MCU: variants seen among roughly 807,000 people sequenced by gnomAD.
MCU encodes the protein mitochondrial calcium uniporter.
A neutral mutation model predicts 45.2 loss-of-function variants in MCU; 12 were observed. The observed-to-expected ratio is 0.27, with a 90% CI of 0.17 to 0.43. The LOEUF is 0.43. Among genes scored for constraint, MCU ranks in the 20% least tolerant of loss-of-function variants. MCU has a pLI of 1.00. For missense variants in MCU, 324 were observed against 436.7 expected (o/e 0.74, Z 2.30); for synonymous variants, 160 against 165.1 (o/e 0.97, Z 0.24).
At chr10:72,701,826 C>T (rs1842762081) in intron 1 of MCU, among the ~76,000 whole-genome samples, 2 of 152,032 alleles carry the variant, frequency 1.3e-5, no homozygotes, top group African/African-American at 2.4e-5. Flanking sequence ...CCACCGTGCC[C>T]GGCCCCCACT....
chr10:72,704,744 T>C (rs955615599), intron 1 of MCU, among the ~76,000 whole-genome samples: 9 of 132,366 alleles, frequency 6.8e-5, no homozygotes, highest in Non-Finnish European at 1.2e-4. Flanking sequence ...AGACGGAGTC[T>C]CGCTCTGTAG....
At chr10:72,736,033 T>C (rs1332951874) in intron 1 of MCU, among the ~76,000 whole-genome samples, 1 of 152,232 alleles carries the variant, frequency 6.6e-6, no homozygotes, top group African/African-American at 2.4e-5. Context: ...TCTTGGCTAG[T>C]GACATTGATG....
chr10:72,884,057 T>C (rs1845743615), intron 6 of MCU, among the ~76,000 whole-genome samples: 1 of 152,154 alleles, frequency 6.6e-6, no homozygotes, highest in African/African-American at 2.4e-5. Flanking sequence ...AGTAGCATGT[T>C]CATTGTGTGA....
chr10:72,794,412 A>T (rs547328947), intron 1 of MCU, among the ~76,000 whole-genome samples: 1 of 152,166 alleles, frequency 6.6e-6, no homozygotes, highest in South Asian at 2.1e-4. Context: ...CTTTCTGCCT[A>T]TGGGGTTGTT....
At chr10:72,757,634 T>A (rs1843597800) in intron 1 of MCU, among the ~76,000 whole-genome samples, 1 of 152,218 alleles carries the variant, frequency 6.6e-6, no homozygotes. Flanking sequence ...AATTTATGCC[T>A]AGCTAGCTGA....
Position 72,851,327 on chromosome 10 carries a change from TG to T in MCU, c.221-7849del, listed in dbSNP as rs565781871. ...TGTGAAACTGATGTTTTAGTGCATT[TG>T]TAACTGCCCAACAGCTTCTCTGTGC... On this transcript the variant is annotated intron_variant, in intron 2 of 7. Transcript: ENST00000373053. Among the ~76,000 whole-genome samples the T allele has an allele frequency of 2.4e-3, 361 of 152,324 alleles. 1 individual carries two copies. The highest frequency in any genetic ancestry group is 8.2e-3 in the African/African-American group (339 of 41,582).
At chr10:72,822,469 T>A (rs989932342) in intron 1 of MCU, among the ~76,000 whole-genome samples, 1 of 152,154 alleles carries the variant, frequency 6.6e-6, no homozygotes, top group African/African-American at 2.4e-5. Flanking sequence ...TAGAGTAACA[T>A]GACTTACCAA....
chr10:72,770,171 AT>A (rs1428177159), intron 1 of MCU, among the ~76,000 whole-genome samples: 2 of 151,964 alleles, frequency 1.3e-5, no homozygotes, highest in Non-Finnish European at 2.9e-5. Context: ...ATACTTTATT[AT>A]TTCAATCCTT....
At chr10:72,718,456 C>A (rs942165670) in intron 1 of MCU, among the ~76,000 whole-genome samples, 1 of 152,162 alleles carries the variant, frequency 6.6e-6, no homozygotes, top group South Asian at 2.1e-4. Flanking sequence ...GATCAACTAT[C>A]CTACGTCAAT....
chr10:72,722,159 C>A (rs1589432112), intron 1 of MCU, among the ~76,000 whole-genome samples: 1 of 151,776 alleles, frequency 6.6e-6, no homozygotes, highest in South Asian at 2.1e-4. Flanking sequence ...GTATAACATA[C>A]TGTTTATTAT....
chr10:72,696,958 C>T (rs1052854278), intron 1 of MCU, among the ~76,000 whole-genome samples: 41 of 152,030 alleles, frequency 2.7e-4, no homozygotes, highest in African/African-American at 9.7e-4. Context: ...ATTAGCTCAG[C>T]AGTGGTCATT....
rs191754853 is a variant in MCU at position 72,750,764 on chromosome 10, G to C, written c.150+58463G>C. On this transcript the variant is annotated intron_variant, in intron 1 of 7. Coordinates refer to ENST00000373053, the MANE Select transcript of MCU (RefSeq NM_138357.3). Reference sequence around the variant, plus strand: ...TTCATTGCCCCTAAATTTCTCTTGTGCTGCCCATTTGAATTCAGTTCTTCC... The same window carrying C: ...TTCATTGCCCCTAAATTTCTCTTGTCCTGCCCATTTGAATTCAGTTCTTCC... Among the ~76,000 whole-genome samples, 4 of 152,206 alleles carry C rather than the reference G, an allele frequency of 2.6e-5. No individual in the cohort carries two copies. In the East Asian group the frequency reaches 7.7e-4, roughly 29 times the overall value.
chr10:72,870,562 G>A (rs1392894599), intron 5 of MCU, among the ~76,000 whole-genome samples: 2 of 152,176 alleles, frequency 1.3e-5, no homozygotes, highest in African/African-American at 4.8e-5. Context: ...GATTACAGGC[G>A]TGAGCCACCG....
At chr10:72,869,991 A>G (rs898324661) in intron 5 of MCU, among the ~76,000 whole-genome samples, 1 of 152,244 alleles carries the variant, frequency 6.6e-6, no homozygotes, top group Non-Finnish European at 1.5e-5. Flanking sequence ...ATTTATATAT[A>G]TACATACACA....
intron 1 of MCU, chr10:72,692,904 C>A: frequency 6.7e-7 from 1 of 1,487,996 alleles, no homozygotes; most frequent in Non-Finnish European, 8.9e-7. Context: ...CATGGGGAAC[C>A]GGCTCCCTCG....
chr10:72,880,477 G>GT (rs1395266803), intron 6 of MCU, among the ~76,000 whole-genome samples: 1 of 124,680 alleles, frequency 8.0e-6, no homozygotes, highest in Non-Finnish European at 1.5e-5. Flanking sequence ...AGAAGGCAAA[G>GT]CGGGGGGGGG....
At position 72,861,777 on chromosome 10, in the gene MCU, G is replaced by A. The variant is rs375524309; in HGVS notation, c.496+1250G>A. On this transcript the variant is annotated intron_variant, in intron 4 of 7. Transcript: ENST00000373053. The stretch of plus-strand genomic sequence containing the variant: ...CTCCCAAAGTGCCGAGATTATAGCC[G>A]TGAGTCACCGCACCCAGCAAGATAA... The A allele has an allele frequency of 4.7e-4, 140 of 296,108 alleles. 2 individuals are homozygous for A. The highest frequency in any genetic ancestry group is 1.2e-3 in the Middle Eastern group (2 of 1,692). The allele number at this position is 296,108 out of a possible 1,614,324, so 18.3% of individuals were successfully genotyped here.
intron 1 of MCU, among the ~76,000 whole-genome samples, chr10:72,830,925 C>T (rs1844869026): frequency 6.6e-6 from 1 of 152,190 alleles, no homozygotes; most frequent in African/African-American, 2.4e-5. Flanking sequence ...GATTCTTTCC[C>T]TTCCAAATCC....
At chr10:72,872,042 T>C (rs1463369070) in intron 6 of MCU, among the ~76,000 whole-genome samples, 1 of 152,114 alleles carries the variant, frequency 6.6e-6, no homozygotes, top group East Asian at 1.9e-4. Context: ...CCTAAGTATG[T>C]TGAAAGGAAA....
Sources: gnomAD v4.1 joint callset for allele counts (sites outside exome capture counted in the v4.1 genomes callset) on GRCh38, gnomAD v4.1.1 for gene constraint, MANE v1.5 for transcripts, NCBI Gene and HGNC (gene_info 2026-07-23, HGNC 2026-07-21) for gene names.